The following TMEM132D variants were observed in gnomAD, a reference collection of about 807,000 sequenced individuals.
The protein encoded by TMEM132D is transmembrane protein 132D, also known as mature OL transmembrane protein.
In TMEM132D, 21 loss-of-function variants were observed where a neutral mutation model predicts 62.3. The observed-to-expected ratio is 0.34, with a 90% CI of 0.24 to 0.49. The LOEUF (loss-of-function observed/expected upper bound fraction) is 0.49, where lower values mean the gene tolerates loss of function less well. Ranked by LOEUF, TMEM132D falls within the 20% of genes least tolerant of loss-of-function variation. TMEM132D has a pLI of 0.99. For missense variants in TMEM132D, 1,346 were observed against 1,402.8 expected, an observed-to-expected ratio of 0.96 and a Z score of 0.65; for synonymous variants, 621 against 575.6, an observed-to-expected ratio of 1.08 and a Z score of -1.13.
At chr12:129,501,687 G>A (rs972878628) in intron 3 of TMEM132D, among the ~76,000 whole-genome samples, 8 of 151,820 alleles carry the variant, frequency 5.3e-5, no homozygotes, top group Admixed American at 1.3e-4. Context: ...GTAATTTTTT[G>A]TAGAGATGGG....
chr12:129,724,368 G>A (rs1229109264), intron 1 of TMEM132D, among the ~76,000 whole-genome samples: 1 of 152,124 alleles, frequency 6.6e-6, no homozygotes, highest in Non-Finnish European at 1.5e-5. Flanking sequence ...TTTAAAGGCT[G>A]GAAGAAAAGA....
At chr12:129,410,947 T>C (rs1303807004) in intron 3 of TMEM132D, among the ~76,000 whole-genome samples, 1 of 152,032 alleles carries the variant, frequency 6.6e-6, no homozygotes, top group Non-Finnish European at 1.5e-5. Flanking sequence ...TAGTTTCTTA[T>C]ATTTAGGTTT....
At chr12:129,521,467 G>GA (rs1305020957) in intron 3 of TMEM132D, 1 of 152,016 alleles carries the variant, frequency 6.6e-6, no homozygotes, top group Non-Finnish European at 1.5e-5. Context: ...GTTCCTTTTA[G>GA]AAAAAGCTCT....
intron 3 of TMEM132D, among the ~76,000 whole-genome samples, chr12:129,431,857 T>TA (rs1243332792): frequency 6.6e-6 from 1 of 152,210 alleles, no homozygotes; most frequent in African/African-American, 2.4e-5. Context: ...CCACTGGCTT[T>TA]CTTGCTTTCC....
At chr12:129,209,848 AC>A in intron 4 of TMEM132D, 185 bp from the exon 5 acceptor site, 1 of 749,596 alleles carries the variant, frequency 1.3e-6, no homozygotes, top group Non-Finnish European at 2.1e-6. Flanking sequence ...TTCTGTCCTC[AC>A]CCAGATTTCC....
intron 1 of TMEM132D, among the ~76,000 whole-genome samples, chr12:129,803,833 T>C (rs373625321): frequency 6.8e-6 from 1 of 147,726 alleles, no homozygotes; most frequent in African/African-American, 2.5e-5. Flanking sequence ...ATCAAATAGA[T>C]GCAATAAAAA....
At chr12:129,280,981 T>C (rs1316066314) in intron 4 of TMEM132D, among the ~76,000 whole-genome samples, 2 of 152,136 alleles carry the variant, frequency 1.3e-5, no homozygotes, top group Non-Finnish European at 2.9e-5. Context: ...TTGAAATTTA[T>C]TTTCTTAAAA....
At chr12:129,401,480 G>A (rs1208270051) in intron 3 of TMEM132D, among the ~76,000 whole-genome samples, 1 of 152,102 alleles carries the variant, frequency 6.6e-6, no homozygotes, top group Non-Finnish European at 1.5e-5. Context: ...AAGATGGGAG[G>A]ATGGTTTGAG....
intron 2 of TMEM132D, among the ~76,000 whole-genome samples, chr12:129,559,819 T>C (rs745489415): frequency 7.2e-5 from 11 of 152,182 alleles, no homozygotes; most frequent in Non-Finnish European, 1.6e-4. Flanking sequence ...GATGTAAAAA[T>C]CACAAGCATA....
At chr12:129,173,463 CT>C (rs1256536272) in intron 5 of TMEM132D, among the ~76,000 whole-genome samples, 1 of 152,204 alleles carries the variant, frequency 6.6e-6, no homozygotes, top group East Asian at 1.9e-4. Context: ...CTAGCTGGCT[CT>C]TTTTGTCCAA....
intron 3 of TMEM132D, among the ~76,000 whole-genome samples, chr12:129,417,942 T>A (rs983865582): frequency 6.6e-6 from 1 of 152,090 alleles, no homozygotes; most frequent in African/African-American, 2.4e-5. Flanking sequence ...AAGAAACATA[T>A]GAAAAAAAGC....
chr12:129,664,143 G>C (rs1325839280), intron 2 of TMEM132D, among the ~76,000 whole-genome samples: 1 of 152,156 alleles, frequency 6.6e-6, no homozygotes, highest in Non-Finnish European at 1.5e-5. Context: ...TAAGGAGACT[G>C]TAATTAGATG....
intron 1 of TMEM132D, among the ~76,000 whole-genome samples, chr12:129,839,615 C>T (rs1873120610): frequency 6.6e-6 from 1 of 152,102 alleles, no homozygotes. Context: ...AGGAATTCCC[C>T]TTCTGGGAAT....
intron 3 of TMEM132D, among the ~76,000 whole-genome samples, chr12:129,368,589 A>AT (rs890292719): frequency 6.6e-6 from 1 of 150,840 alleles, no homozygotes; most frequent in Non-Finnish European, 1.5e-5. Flanking sequence ...TATTATTATT[A>AT]TTTTTTTTAC....
chr12:129,676,096 C>T (rs576841350), intron 2 of TMEM132D, among the ~76,000 whole-genome samples: 3 of 152,296 alleles, frequency 2.0e-5, no homozygotes, highest in African/African-American at 7.2e-5. Context: ...AAGACAAGGT[C>T]CCTGCTCACA....
chr12:129,122,826 A>G (rs1301739141), intron 5 of TMEM132D, among the ~76,000 whole-genome samples: 1 of 152,244 alleles, frequency 6.6e-6, no homozygotes, highest in Non-Finnish European at 1.5e-5. Context: ...CTTATTTGAC[A>G]TGAAATACTG....
chr12:129,732,026 T>C (rs1458991563), intron 1 of TMEM132D, among the ~76,000 whole-genome samples: 1 of 152,118 alleles, frequency 6.6e-6, no homozygotes, highest in Non-Finnish European at 1.5e-5. Context: ...TTTCAGATGC[T>C]ACCATCGAGT....
intron 4 of TMEM132D, among the ~76,000 whole-genome samples, chr12:129,213,055 G>A (rs955857002): frequency 2.0e-5 from 3 of 152,178 alleles, no homozygotes; most frequent in Non-Finnish European, 4.4e-5. Flanking sequence ...CAAGTGACAC[G>A]GGGAAAAGGA....
At chr12:129,202,391 C>G (rs1593294510) in intron 5 of TMEM132D, among the ~76,000 whole-genome samples, 1 of 152,278 alleles carries the variant, frequency 6.6e-6, no homozygotes, top group South Asian at 2.1e-4. Flanking sequence ...ACAATGACAA[C>G]TGTATGAGCT....
Sources: gnomAD v4.1 joint callset for allele counts (sites outside exome capture counted in the v4.1 genomes callset) on GRCh38, gnomAD v4.1.1 for gene constraint, MANE v1.5 for transcripts, NCBI Gene and HGNC (gene_info 2026-07-23, HGNC 2026-07-21) for gene names.